The following VSIG1 variants were observed in gnomAD, a reference collection of about 807,000 sequenced individuals.
VSIG1 encodes V-set and immunoglobulin domain containing 1, also known as V-set and immunoglobulin domain-containing protein 1.
A neutral mutation model predicts 20.1 loss-of-function variants in VSIG1; 11 were observed. That is an observed-to-expected ratio of 0.55 (90% CI 0.34 to 0.91). VSIG1 has a LOEUF of 0.91. Ranked by LOEUF, VSIG1 falls within the 40% of genes least tolerant of loss-of-function variation. The probability of loss-of-function intolerance (pLI) is 0.02; values close to 1 mark genes in which losing one functional copy is unlikely to be tolerated. For missense variants in VSIG1, 283 were observed against 298.8 expected, an observed-to-expected ratio of 0.95 and a Z score of 0.39; for synonymous variants, 126 against 116.7, an observed-to-expected ratio of 1.08 and a Z score of -0.52.
chrX:108,027,912 A>G, the VSIG1 span, among the ~76,000 whole-genome samples: 27 of 111,136 alleles, frequency 2.4e-4, no homozygotes, highest in African/African-American at 8.5e-4. Context: ...GTAATACCCA[A>G]TGAGTCTCTG....
At chrX:108,068,839 T>C (rs181993487) in intron 3 of VSIG1, among the ~76,000 whole-genome samples, 1 of 111,846 alleles carries the variant, frequency 8.9e-6, no homozygotes, top group East Asian at 2.8e-4. Flanking sequence ...AAGACCTGAG[T>C]TTTAGATCTT....
intron 3 of VSIG1, among the ~76,000 whole-genome samples, chrX:108,070,293 G>A (rs977115187): frequency 4.5e-5 from 5 of 111,626 alleles, no homozygotes; most frequent in South Asian, 3.7e-4. Context: ...AAGCTAAATG[G>A]TAGATCAATG....
upstream of VSIG1, among the ~76,000 whole-genome samples, chrX:108,040,781 A>C (rs1004576787): frequency 8.9e-6 from 1 of 112,100 alleles, no homozygotes; most frequent in African/African-American, 3.2e-5. Context: ...GAAAGAGAGA[A>C]TAAAAATACT....
upstream of VSIG1, among the ~76,000 whole-genome samples, chrX:108,044,703 T>C (rs1469306064): frequency 8.9e-6 from 1 of 111,862 alleles, no homozygotes; most frequent in East Asian, 2.8e-4. Context: ...AGGAGGTTAG[T>C]GAATCAATTC....
At chrX:108,072,277 C>G (rs776378946) in intron 3 of VSIG1, among the ~76,000 whole-genome samples, 18 of 110,644 alleles carry the variant, frequency 1.6e-4, no homozygotes, top group Non-Finnish European at 3.2e-4. Context: ...TGTGGAGACC[C>G]AGTCTCACTT....
chrX:108,037,508 G>A, the VSIG1 span, among the ~76,000 whole-genome samples: 1 of 111,709 alleles, frequency 9.0e-6, no homozygotes, highest in Non-Finnish European at 1.9e-5. Context: ...TATTGACTAC[G>A]AAGCAACATT....
intron 1 of VSIG1, among the ~76,000 whole-genome samples, chrX:108,053,674 A>G (rs1030810678): frequency 8.9e-6 from 1 of 111,734 alleles, no homozygotes; most frequent in Non-Finnish European, 1.9e-5. Context: ...GAATACCACT[A>G]CAGTAGTCCC....
the VSIG1 span, among the ~76,000 whole-genome samples, chrX:108,026,178 T>C: frequency 8.9e-6 from 1 of 112,117 alleles, no homozygotes; most frequent in Non-Finnish European, 1.9e-5. Flanking sequence ...GGTGTCTCCA[T>C]AGGAACCCAT....
chrX:108,047,807 T>TACATATATATATACATATATATAC (rs2030627422), intron 1 of VSIG1, among the ~76,000 whole-genome samples: 4 of 50,835 alleles, frequency 7.9e-5, no homozygotes, highest in East Asian at 8.6e-4. Context: ...TATATATATA[T>TACATATATATATACATATATATAC]ACATATATAT....
At chrX:108,039,826 G>A in the VSIG1 span, among the ~76,000 whole-genome samples, 1 of 111,341 alleles carries the variant, frequency 9.0e-6, no homozygotes, top group Admixed American at 9.6e-5. Context: ...ACTCAAGGAT[G>A]ATACCAAGGT....
At chrX:108,054,626 C>G (rs1157224022) in intron 1 of VSIG1, among the ~76,000 whole-genome samples, 1 of 110,740 alleles carries the variant, frequency 9.0e-6, no homozygotes, top group Non-Finnish European at 1.9e-5. Context: ...AGTATATTCT[C>G]TGACTACAAT....
At chrX:108,034,958 A>G in the VSIG1 span, among the ~76,000 whole-genome samples, 85 of 112,120 alleles carry the variant, frequency 7.6e-4, no homozygotes, top group African/African-American at 2.7e-3. Context: ...AATGACCAAC[A>G]ATAAAAAACA....
chrX:108,032,913 G>A, the VSIG1 span, among the ~76,000 whole-genome samples: 1 of 111,230 alleles, frequency 9.0e-6, no homozygotes, highest in African/African-American at 3.3e-5. Flanking sequence ...AGTGGTGGCA[G>A]TTCCAGGGAG....
chrX:108,042,553 G>T (rs1445787931), upstream of VSIG1, among the ~76,000 whole-genome samples: 2 of 111,749 alleles, frequency 1.8e-5, no homozygotes, highest in Non-Finnish European at 3.8e-5. Context: ...ATGGGGCATG[G>T]AAGGAAACAC....
chrX:108,077,604 C>T lies in VSIG1; in HGVS notation c.*223C>T, dbSNP rs932158428. 11 of 372,671 alleles carry T rather than the reference C, an allele frequency of 3.0e-5. No individual in the cohort carries two copies. The highest frequency in any genetic ancestry group is 1.8e-4 in the African/African-American group (7 of 39,238). The allele number at this position is 372,671 out of a possible 1,213,427, so 30.7% of individuals were successfully genotyped here. On this transcript the variant is annotated 3_prime_UTR_variant, in exon 7 of 7. Transcript: ENST00000217957. ...TAGAATACTAACAATTTTACTAACACGTAAGCATAACAAATGACAGGGCAA... is the reference window on the plus strand; with the variant it reads ...TAGAATACTAACAATTTTACTAACATGTAAGCATAACAAATGACAGGGCAA...
At chrX:108,065,719 T>C (rs910686113) in intron 2 of VSIG1, among the ~76,000 whole-genome samples, 5 of 112,072 alleles carry the variant, frequency 4.5e-5, no homozygotes, top group Non-Finnish European at 7.5e-5. Context: ...ATCTACCCTA[T>C]GCAACAATAT....
At chrX:108,031,405 A>C in the VSIG1 span, among the ~76,000 whole-genome samples, 13 of 112,047 alleles carry the variant, frequency 1.2e-4, no homozygotes, top group Admixed American at 4.7e-4. Context: ...GAAAGGCTCA[A>C]ATCCCAAGCC....
rs182633316 is a variant in VSIG1 at position 108,069,471 on chromosome X, C to G, written c.412+2337C>G. 3.7e-4 allele frequency among the ~76,000 whole-genome samples: 42 copies of G among 112,074 alleles called. 2 individuals carry two copies. The highest frequency in any genetic ancestry group is 2.7e-3 in the Admixed American group (29 of 10,585). On this transcript the variant is annotated intron_variant, in intron 3 of 6. Coordinates refer to ENST00000217957, the MANE Select transcript of VSIG1 (RefSeq NM_182607.5). ...AATTGCAGCGACTATTTGCAATTCTCAAATCTCATTGTATATGAGTGACAA... is the reference window on the plus strand; with the variant it reads ...AATTGCAGCGACTATTTGCAATTCTGAAATCTCATTGTATATGAGTGACAA...
rs1048687253 is a variant in VSIG1, at chrX:108,078,990, A to G, written c.*1609A>G. 2 of 112,256 alleles carry G rather than the reference A, an allele frequency of 1.8e-5. No homozygotes were observed. The highest frequency in any genetic ancestry group is 3.2e-5 in the African/African-American group (1 of 30,879). 9.3% of individuals were successfully genotyped at this position (112,256 alleles called of 1,213,427 possible). A position where few individuals can be genotyped will look rare whatever the true frequency, so the allele number is the denominator to read the frequency against. On this transcript the variant is annotated 3_prime_UTR_variant, in exon 7 of 7. Coordinates refer to ENST00000217957, the MANE Select transcript of VSIG1 (RefSeq NM_182607.5). ...GCTTTCTCATGATCATATTTCACCC[A>G]CATCTCACCTTGAAGAAACTTACAG...
Sources: gnomAD v4.1 joint callset for allele counts (sites outside exome capture counted in the v4.1 genomes callset) on GRCh38, gnomAD v4.1.1 for gene constraint, MANE v1.5 for transcripts, NCBI Gene and HGNC (gene_info 2026-07-23, HGNC 2026-07-21) for gene names.